The following CERCAM variants were observed in gnomAD, a reference collection of about 807,000 sequenced individuals.
CERCAM encodes the protein cerebral endothelial cell adhesion molecule.
In CERCAM, 59 loss-of-function variants were observed where a neutral mutation model predicts 66.0. That is an observed-to-expected ratio of 0.89 (90% CI 0.73 to 1.11). The LOEUF is 1.11. Ranked by LOEUF, CERCAM falls within the 50% of genes most tolerant of loss-of-function variation. The pLI is 0.00. For missense variants in CERCAM, 840 were observed against 828.3 expected (o/e 1.01, Z -0.17); for synonymous variants, 318 against 343.6 (o/e 0.93, Z 0.83).
chr9:128,425,885 A>G (rs189608906), intron 5 of CERCAM, among the ~76,000 whole-genome samples: 81 of 147,316 alleles, frequency 5.5e-4, no homozygotes, highest in African/African-American at 2.0e-3. Flanking sequence ...GCAGTGGCAC[A>G]ATCTCAGCTC....
chr9:128,424,475 T>G lies in CERCAM; in HGVS notation c.627T>G (p.Arg209=). Residue 209 remains arginine, a synonymous_variant, in exon 5 of 13, where the codon CGT becomes CGG. Transcript: ENST00000372838. ...ACCGCCAGCGCCGGGGCTGCTTCCG[T>G]GTCCCCATGGTCCACTCCACCTTCC... ...TKNRQRRGCF[R]VPMVHSTFLA... 1 of 1,613,896 alleles carries G rather than the reference T, an allele frequency of 6.2e-7. No homozygotes were observed. The highest frequency in any genetic ancestry group is 8.5e-7 in the Non-Finnish European group (1 of 1,179,954).
At chr9:128,425,843 G>T (rs577900949) in intron 5 of CERCAM, among the ~76,000 whole-genome samples, 1 of 133,594 alleles carries the variant, frequency 7.5e-6, no homozygotes. Flanking sequence ...TTTTTGAGAC[G>T]GAGTCTTGCT....
rs1355588205 is a variant in CERCAM, at chr9:128,434,462, C to T, written c.1384C>T (p.Leu462=). The part of the protein sequence containing the change: ...NPEKETAVEG[L]PGLVVAGYSY... ...TGAGAAGGAGACGGCCGTGGAGGGG[C>T]TGCCGGGCCTGGTGGTGGCTGGGTA... is the stretch of plus-strand genomic sequence containing the variant. Residue 462 remains leucine (L), a synonymous_variant, in exon 11 of 13, where the codon CTG becomes TTG. Coordinates refer to ENST00000372838, the MANE Select transcript of CERCAM (RefSeq NM_016174.5). The surrounding 1 kb of genome is among the most constrained non-coding windows in gnomAD (Gnocchi z 4.5). 1.2e-6 allele frequency: 2 copies of T among 1,613,884 alleles called. No homozygotes were observed. The highest frequency in any genetic ancestry group is 1.7e-6 in the Non-Finnish European group (2 of 1,180,026).
At chr9:128,430,853 T>TAA (rs377147792) in intron 8 of CERCAM, 464 of 144,274 alleles carry the variant, frequency 3.2e-3, no homozygotes, top group East Asian at 5.0e-3. Flanking sequence ...CCATCTCTAC[T>TAA]AAAAAAAAAA....
At position 128,427,152 on chromosome 9, in the gene CERCAM, G is replaced by A. The variant is rs138752630; in HGVS notation, c.767-1150G>A. 9.3e-3 allele frequency among the ~76,000 whole-genome samples: 1,420 copies of A among 151,994 alleles called. 17 individuals are homozygous for A. The highest frequency in any genetic ancestry group is 0.014 in the Middle Eastern group (4 of 294). On this transcript the variant is annotated intron_variant, in intron 5 of 12. Coordinates refer to ENST00000372838, the MANE Select transcript of CERCAM (RefSeq NM_016174.5). The stretch of plus-strand genomic sequence containing the variant: ...TTTTAAGACAGAGCTTTGTTCTGTC[G>A]CCTAGGCTGGAGTGCAGTGGCGCGA...
At position 128,435,717 on chromosome 9, in the gene CERCAM, G is replaced by A. The variant is rs752557689; in HGVS notation, c.1600G>A (p.Ala534Thr). The A allele has an allele frequency of 3.4e-5, 55 of 1,613,340 alleles. No homozygotes were observed. Among genetic ancestry groups the A allele is most frequent in the Middle Eastern group, 1.6e-4 (1 of 6,084 alleles). Reference sequence around the variant, plus strand: ...GGCCTTCTCCGCCCAGCCCCTGCTCGCTGCCCCTACCCACTATGCCGGGGA... The same window carrying A: ...GGCCTTCTCCGCCCAGCCCCTGCTCACTGCCCCTACCCACTATGCCGGGGA... ...LVAFSAQPLL[A>T]APTHYAGDAE... Residue 534 changes from alanine to threonine, a missense_variant, in exon 12 of 13, where the codon GCT becomes ACT. Coordinates refer to ENST00000372838, the MANE Select transcript of CERCAM (RefSeq NM_016174.5).
intron 8 of CERCAM, among the ~76,000 whole-genome samples, chr9:128,429,515 G>A (rs567499591): frequency 2.6e-5 from 4 of 152,256 alleles, no homozygotes; most frequent in East Asian, 3.9e-4. Flanking sequence ...ATGTTCCCCC[G>A]AGGAACCCAG....
intron 3 of CERCAM, 47 bp from the exon 4 acceptor site, chr9:128,424,091 G>A (rs111427885): frequency 1.9e-6 from 3 of 1,594,602 alleles, no homozygotes; most frequent in Non-Finnish European, 1.7e-6. Context: ...TCCTTGGGGG[G>A]CTGCAGCCCA....
At chr9:128,429,125 G>A in intron 8 of CERCAM, 89 bp downstream of exon 8, 1 of 911,086 alleles carries the variant, frequency 1.1e-6, no homozygotes, top group Non-Finnish European at 1.6e-6. Context: ...AAAGCAGACA[G>A]GTTGAATGAG....
chr9:128,426,431 T>G (rs1833848429), intron 5 of CERCAM, among the ~76,000 whole-genome samples: 1 of 151,780 alleles, frequency 6.6e-6, no homozygotes, highest in Non-Finnish European at 1.5e-5. Context: ...GAGACCATCT[T>G]AAGACGGTGA....
chr9:128,435,378 CCCGTCT>C (rs1236999495), intron 11 of CERCAM, among the ~76,000 whole-genome samples: 2 of 152,196 alleles, frequency 1.3e-5, no homozygotes, highest in African/African-American at 4.8e-5. Flanking sequence ...AGGTGATCCG[CCCGTCT>C]CGGCTTCCCA....
rs1018877317 is a variant in CERCAM, at chr9:128,431,028, T to A, written c.1071-143T>A. 5 of 1,013,156 alleles carry A rather than the reference T, an allele frequency of 4.9e-6. No individual in the cohort carries two copies. The African/African-American group carries it at 6.4e-5, about 13-fold the overall frequency. 62.8% of individuals were successfully genotyped at this position (1,013,156 alleles called of 1,614,324 possible). ...TCCCCAGGTCCAGTCCCTTGACAGC[T>A]TCAGGTCACACAAAGGAGTTACAAG... On this transcript the variant is annotated intron_variant, in intron 8 of 12. Coordinates refer to ENST00000372838, the MANE Select transcript of CERCAM (RefSeq NM_016174.5).
chr9:128,436,627 G>A (rs1033927423), intron 12 of CERCAM, among the ~76,000 whole-genome samples: 7 of 152,058 alleles, frequency 4.6e-5, no homozygotes, highest in Admixed American at 1.3e-4. Flanking sequence ...TGATCCAGCC[G>A]TCTCGGTCTC....
At position 128,424,486 on chromosome 9, in the gene CERCAM, T is replaced by G; in HGVS notation, c.638T>G (p.Val213Gly). 6.2e-7 allele frequency: 1 copy of G among 1,613,822 alleles called. No individual in the cohort carries two copies. The highest frequency in any genetic ancestry group is 8.5e-7 in the Non-Finnish European group (1 of 1,179,936). Residue 213 changes from valine to glycine, a missense_variant, in exon 5 of 13, where the codon GTC becomes GGC. Physicochemically the swap from Val to Gly is moderately radical, Grantham distance 109 (BLOSUM62 -3). Transcript: ENST00000372838. The part of the protein sequence containing the change: ...QRRGCFRVPM[V>G]HSTFLASLRA... ...CGGGGCTGCTTCCGTGTCCCCATGG[T>G]CCACTCCACCTTCCTTGCATCCCTG...
chr9:128,421,219 C>G (rs1048602462), intron 1 of CERCAM, 145 bp downstream of exon 1: 2 of 1,236,664 alleles, frequency 1.6e-6, no homozygotes, highest in Non-Finnish European at 2.0e-6. Flanking sequence ...CCTGCCAGCC[C>G]GAGCCGCCAG....
chr9:128,419,323 G>A (rs1833658109), upstream of CERCAM: 1 of 152,336 alleles, frequency 6.6e-6, no homozygotes, highest in Non-Finnish European at 1.5e-5. Flanking sequence ...CCTTGCAGTG[G>A]AGATAGTGTG....
At chr9:128,431,560 G>A in intron 9 of CERCAM, 1 of 458,500 alleles carries the variant, frequency 2.2e-6, no homozygotes. Flanking sequence ...CAGGAACAAT[G>A]CATGTCTGCT....
Position 128,428,379 on chromosome 9 carries a change from G to A in CERCAM, c.844G>A (p.Asp282Asn), listed in dbSNP as rs538548415. Reference protein sequence around the residue: ...VPVKSHQGLEDERVNFIHLIL... With the variant: ...VPVKSHQGLENERVNFIHLIL... ...GGTGAAATCCCACCAGGGGCTGGAA[G>A]ACGAGAGGGTCAACTTCATCCACCT... Residue 282 changes from aspartate to asparagine, a missense_variant, in exon 6 of 13, where the codon GAC (aspartate) becomes AAC (asparagine). Transcript: ENST00000372838. 9.3e-6 allele frequency: 15 copies of A among 1,614,198 alleles called. No homozygotes were observed. In the East Asian group the frequency reaches 3.1e-4, roughly 34 times the overall value.
chr9:128,433,278 CAAAAAA>C (rs758064235), intron 9 of CERCAM, among the ~76,000 whole-genome samples: 5 of 70,628 alleles, frequency 7.1e-5, no homozygotes, highest in Non-Finnish European at 1.5e-4. Context: ...AACTCCGTCT[CAAAAAA>C]AAAAAAAAAA....
Sources: allele counts gnomAD v4.1 joint callset (sites outside exome capture counted in the v4.1 genomes callset), GRCh38; gene constraint gnomAD v4.1.1; non-coding constraint Gnocchi (gnomAD v3.1); transcripts MANE v1.5; gene names NCBI Gene and HGNC (gene_info 2026-07-23, HGNC 2026-07-21).